Variants in PEX14 observed in about 807,000 individuals in gnomAD.
PEX14 encodes the protein peroxisomal biogenesis factor 14, also known as peroxisomal membrane protein PEX14.
PEX14 carries 15 observed loss-of-function variants against 49.5 expected under a neutral mutation model. That is an observed-to-expected ratio of 0.30 (90% CI 0.20 to 0.47). The LOEUF is 0.47. Ranked by LOEUF, PEX14 falls within the 20% of genes least tolerant of loss-of-function variation. The pLI is 1.00. For missense variants in PEX14, 398 were observed against 494.8 expected (o/e 0.80, Z 1.86); for synonymous variants, 210 against 212.7 (o/e 0.99, Z 0.11).
chr1:10,504,437 CT>C, intron 2 of PEX14, among the ~76,000 whole-genome samples: 1 of 152,338 alleles, frequency 6.6e-6, no homozygotes, highest in Non-Finnish European at 1.5e-5. Flanking sequence ...TAAATTACCC[CT>C]GTCAGGAAGA....
rs573927209 is a variant in PEX14, at chr1:10,628,894, T to C, written c.678-637T>C. On this transcript the variant is annotated intron_variant, in intron 8 of 8. Transcript: ENST00000356607. This position sits in a 1 kb window ranked among gnomAD's most constrained non-coding sequence, Gnocchi z 4.5. ...CTGACCTCCCAGGTCCCTCCTGGAA[T>C]TGGCTTTGGTTTGGGCTGGCTGCTG... Among the ~76,000 whole-genome samples, 224 of 152,262 alleles carry C rather than the reference T, an allele frequency of 1.5e-3. 3 individuals carry two copies. The highest frequency in any genetic ancestry group is 5.1e-3 in the African/African-American group (211 of 41,558).
intron 2 of PEX14, among the ~76,000 whole-genome samples, chr1:10,503,908 AT>A (rs556497620): frequency 6.6e-6 from 1 of 151,790 alleles, no homozygotes; most frequent in East Asian, 1.9e-4. Flanking sequence ...TAATTTTTTA[AT>A]TTTTAGTAGA....
intron 1 of PEX14, among the ~76,000 whole-genome samples, chr1:10,483,021 C>T (rs1328025106): frequency 1.3e-5 from 2 of 152,174 alleles, no homozygotes; most frequent in Admixed American, 1.3e-4. Flanking sequence ...TTGTGTCTAT[C>T]TGTGTATCAT....
At chr1:10,507,555 G>A (rs1425609214) in intron 2 of PEX14, among the ~76,000 whole-genome samples, 1 of 152,220 alleles carries the variant, frequency 6.6e-6, no homozygotes, top group Non-Finnish European at 1.5e-5. Context: ...ATGGAGAGGA[G>A]ATAATAGGAT....
Position 10,599,299 on chromosome 1 carries a change from T to G in PEX14, c.231T>G (p.Pro77=). The G allele has an allele frequency of 6.2e-7, 1 of 1,614,100 alleles. No homozygotes were observed. The highest frequency in any genetic ancestry group is 8.5e-7 in the Non-Finnish European group (1 of 1,179,968). The change falls in exon 4 of 9, where the codon CCT becomes CCG. Residue 77 remains proline, a synonymous_variant. Coordinates refer to ENST00000356607, the MANE Select transcript of PEX14 (RefSeq NM_004565.3). ...AGTCGGGCACTGCTGCCGATGAGCCTTCGTCCTTGGGCCCAGCCACACAGG... is the reference window on the plus strand; with the variant it reads ...AGTCGGGCACTGCTGCCGATGAGCCGTCGTCCTTGGGCCCAGCCACACAGG... ...FQQSGTAADE[P]SSLGPATQVV...
chr1:10,619,406 T>C (rs1309195781), intron 5 of PEX14, among the ~76,000 whole-genome samples: 1 of 149,108 alleles, frequency 6.7e-6, no homozygotes, highest in Non-Finnish European at 1.5e-5. Flanking sequence ...AAGCTCCGCC[T>C]CCTGAGTTCA....
chr1:10,583,300 G>A (rs988427979), intron 3 of PEX14, among the ~76,000 whole-genome samples: 25 of 150,546 alleles, frequency 1.7e-4, no homozygotes, highest in Admixed American at 2.7e-4. Context: ...GCTCACTGCA[G>A]CCTTGACCTC....
At chr1:10,475,753 G>A (rs72640368) in intron 1 of PEX14, among the ~76,000 whole-genome samples, 18,829 of 152,190 alleles carry the variant, frequency 0.12, 1,579 homozygotes, top group Non-Finnish European at 0.18. Context: ...CTCCGAAGGG[G>A]TTTATAGTCC....
intron 3 of PEX14, among the ~76,000 whole-genome samples, chr1:10,583,912 C>A (rs1026004418): frequency 1.3e-5 from 2 of 151,580 alleles, no homozygotes; most frequent in African/African-American, 2.4e-5. Context: ...CAGTGAGACA[C>A]GAGGTCACAG....
At chr1:10,570,490 G>A (rs1326250674) in intron 3 of PEX14, among the ~76,000 whole-genome samples, 2 of 151,936 alleles carry the variant, frequency 1.3e-5, no homozygotes, top group African/African-American at 4.8e-5. Context: ...ACGCCAACAC[G>A]CCCAGCTAAT....
At chr1:10,489,537 T>C (rs1384609532) in intron 1 of PEX14, among the ~76,000 whole-genome samples, 3 of 152,240 alleles carry the variant, frequency 2.0e-5, no homozygotes, top group African/African-American at 7.2e-5. Context: ...TTGGGACTCA[T>C]GATTCCCCTG....
chr1:10,478,116 G>A (rs1365180631), intron 1 of PEX14, among the ~76,000 whole-genome samples: 1 of 151,958 alleles, frequency 6.6e-6, no homozygotes. Context: ...TCAAACTCCT[G>A]ACCTCAGGTA....
intron 3 of PEX14, among the ~76,000 whole-genome samples, chr1:10,564,904 C>T (rs1435315666): frequency 5.6e-5 from 7 of 125,512 alleles, no homozygotes; most frequent in East Asian, 2.3e-4. Context: ...TTTTGTATAT[C>T]TTTTTTTTTT....
intron 2 of PEX14, among the ~76,000 whole-genome samples, chr1:10,520,084 C>T (rs895685950): frequency 6.6e-6 from 1 of 151,698 alleles, no homozygotes; most frequent in Non-Finnish European, 1.5e-5. Context: ...AGGCGATCCT[C>T]TCACTTCAGT....
intron 3 of PEX14, among the ~76,000 whole-genome samples, chr1:10,563,124 G>A (rs1639699682): frequency 6.9e-6 from 1 of 145,928 alleles, no homozygotes; most frequent in South Asian, 2.2e-4. Context: ...CACCATGTTG[G>A]TCAGGCTGGT....
chr1:10,522,002 C>T (rs926802560), intron 2 of PEX14, among the ~76,000 whole-genome samples: 2 of 152,128 alleles, frequency 1.3e-5, no homozygotes, highest in African/African-American at 2.4e-5. Flanking sequence ...TTGTAGGAAG[C>T]GCTGCCATAT....
chr1:10,516,661 A>G (rs1641975475), intron 2 of PEX14, among the ~76,000 whole-genome samples: 1 of 152,252 alleles, frequency 6.6e-6, no homozygotes, highest in Non-Finnish European at 1.5e-5. Context: ...GGTACAAACC[A>G]GCTTCTAGCT....
intron 1 of PEX14, among the ~76,000 whole-genome samples, chr1:10,480,458 ATC>A (rs1446311195): frequency 2.0e-5 from 3 of 147,528 alleles, no homozygotes; most frequent in Non-Finnish European, 4.4e-5. Context: ...CAGTGGCACA[ATC>A]TCGGCTCACT....
At chr1:10,580,635 A>G (rs146392866) in intron 3 of PEX14, among the ~76,000 whole-genome samples, 1 of 152,322 alleles carries the variant, frequency 6.6e-6, no homozygotes, top group East Asian at 1.9e-4. Flanking sequence ...AGTTCTTAAT[A>G]TGTAACATGG....
Sources: gnomAD v4.1 joint callset for allele counts (sites outside exome capture counted in the v4.1 genomes callset) on GRCh38, gnomAD v4.1.1 for gene constraint, Gnocchi (gnomAD v3.1) non-coding constraint, MANE v1.5 for transcripts, NCBI Gene and HGNC (gene_info 2026-07-23, HGNC 2026-07-21) for gene names.